The following TMED5 variants were observed in gnomAD, a reference collection of about 807,000 sequenced individuals.
The protein encoded by TMED5 is transmembrane p24 trafficking protein 5.
Under a neutral mutation model 23.0 loss-of-function variants are expected in TMED5, and 27 were observed. That is an observed-to-expected ratio of 1.17 (90% confidence interval 0.86 to 1.62). The LOEUF (loss-of-function observed/expected upper bound fraction) is 1.62, where lower values mean the gene tolerates loss of function less well. Ranked by LOEUF, TMED5 falls within the 40% of genes most tolerant of loss-of-function variation. The pLI is 0.00. For missense variants in TMED5, 248 were observed against 273.7 expected (o/e 0.91, Z 0.66); for synonymous variants, 97 against 100.8 (o/e 0.96, Z 0.23).
rs1400834080 is a variant in TMED5, at chr1:93,158,893, A to T, written c.287+1236T>A. The T allele has an allele frequency of 3.2e-6, 3 of 944,196 alleles. No individual in the cohort carries two copies. The African/African-American group carries it at 5.3e-5, about 17-fold the overall frequency. 58.5% of individuals were successfully genotyped at this position (944,196 alleles called of 1,614,324 possible). On this transcript the variant is annotated intron_variant, in intron 2 of 3. Transcript: ENST00000370282. ...TTTTTACTTCTTATACACCTATCAA[A>T]GAGAAAACAGTTAATTCCAAGTATA...
chr1:93,166,518 T>C (rs1187681960), intron 1 of TMED5, among the ~76,000 whole-genome samples: 1 of 152,248 alleles, frequency 6.6e-6, no homozygotes. Context: ...TGATCAATGA[T>C]GTTGAGCACA....
intron 1 of TMED5, chr1:93,161,968 T>G (rs1325256260): frequency 2.6e-5 from 4 of 152,184 alleles, no homozygotes; most frequent in Non-Finnish European, 5.9e-5. Flanking sequence ...TCTCAGTGTT[T>G]TCCCTGTAGA....
intron 1 of TMED5, among the ~76,000 whole-genome samples, chr1:93,173,125 G>T (rs1285438028): frequency 1.3e-5 from 2 of 152,206 alleles, no homozygotes; most frequent in East Asian, 3.9e-4. Flanking sequence ...GAAGGAATAG[G>T]TTTTGAGATC....
chr1:93,165,126 A>G (rs114798315), intron 1 of TMED5, among the ~76,000 whole-genome samples: 3,798 of 152,266 alleles, frequency 0.025, 133 homozygotes, highest in African/African-American at 0.081. Flanking sequence ...ATCCTTCCCA[A>G]TTGAGCCTAA....
intron 1 of TMED5, chr1:93,162,897 AC>A (rs1487922276): frequency 6.6e-6 from 1 of 152,144 alleles, no homozygotes; most frequent in East Asian, 1.9e-4. Context: ...ATATTTACTG[AC>A]ATGAAAGCAA....
chr1:93,158,581 T>A (rs551367025), intron 2 of TMED5, among the ~76,000 whole-genome samples: 1 of 149,620 alleles, frequency 6.7e-6, no homozygotes, highest in Admixed American at 6.7e-5. Context: ...TTTTTAGTTT[T>A]GTTTTTTTTT....
At chr1:93,171,629 T>C (rs983788597) in intron 1 of TMED5, among the ~76,000 whole-genome samples, 2 of 152,164 alleles carry the variant, frequency 1.3e-5, no homozygotes, top group African/African-American at 4.8e-5. Context: ...CTACCAAACA[T>C]TTATGGACAA....
At chr1:93,163,835 T>C (rs986645275) in intron 1 of TMED5, among the ~76,000 whole-genome samples, 20 of 151,066 alleles carry the variant, frequency 1.3e-4, no homozygotes, top group African/African-American at 4.9e-4. Flanking sequence ...ATACAAAAAT[T>C]AGCTGGACAT....
At chr1:93,157,566 A>T (rs1648116825) in intron 2 of TMED5, among the ~76,000 whole-genome samples, 1 of 152,106 alleles carries the variant, frequency 6.6e-6, no homozygotes, top group Non-Finnish European at 1.5e-5. Context: ...CTCTACAAAA[A>T]TTAAAAAATT....
intron 1 of TMED5, among the ~76,000 whole-genome samples, chr1:93,177,162 A>T (rs1165890451): frequency 6.6e-6 from 1 of 152,228 alleles, no homozygotes; most frequent in Non-Finnish European, 1.5e-5. Flanking sequence ...CAAGTTGGGA[A>T]ATACAAACAG....
intron 3 of TMED5, among the ~76,000 whole-genome samples, chr1:93,155,658 G>A (rs551425794): frequency 6.6e-6 from 1 of 151,672 alleles, no homozygotes; most frequent in East Asian, 1.9e-4. Flanking sequence ...CTATATTGGA[G>A]TGTAGTATCT....
chr1:93,150,933 CAG>C lies in TMED5; in HGVS notation c.*3735_*3736del, dbSNP rs1032946223. ...AATAATAAATCTAAGCTTGTTAAAACAGAAACAAAAACAACACAAGTACTAAA... is the reference window on the plus strand; with the variant it reads ...AATAATAAATCTAAGCTTGTTAAAACAAACAAAAACAACACAAGTACTAAA... On this transcript the variant is annotated 3_prime_UTR_variant, in exon 4 of 4. Transcript: ENST00000370282. 2 of 152,150 alleles carry C rather than the reference CAG, an allele frequency of 1.3e-5. No homozygotes were observed. Among genetic ancestry groups the C allele is most frequent in the African/African-American group, 2.4e-5 (1 of 41,440 alleles). The allele number at this position is 152,150 out of a possible 1,614,324, so 9.4% of individuals were successfully genotyped here.
intron 1 of TMED5, among the ~76,000 whole-genome samples, chr1:93,175,491 TAATA>T (rs1240529531): frequency 1.3e-5 from 2 of 150,806 alleles, no homozygotes; most frequent in African/African-American, 2.4e-5. Flanking sequence ...AAACAAAAAA[TAATA>T]AATACTCAAA....
At chr1:93,178,837 TA>T (rs1159508999) in intron 1 of TMED5, among the ~76,000 whole-genome samples, 2 of 152,216 alleles carry the variant, frequency 1.3e-5, no homozygotes, top group South Asian at 4.1e-4. Context: ...ACCTGGTATT[TA>T]AAAACAATTC....
chr1:93,155,483 G>A (rs1009507115), intron 3 of TMED5, among the ~76,000 whole-genome samples: 2 of 150,692 alleles, frequency 1.3e-5, no homozygotes, highest in South Asian at 2.1e-4. Context: ...GGAGTTTTAC[G>A]TACATTATCT....
At chr1:93,156,245 A>G (rs1571269971) in intron 3 of TMED5, 55 bp downstream of exon 3, 3 of 1,476,670 alleles carry the variant, frequency 2.0e-6, no homozygotes, top group East Asian at 2.3e-5. Flanking sequence ...ACTTATTACC[A>G]TAGTAAGGCC....
intron 1 of TMED5, among the ~76,000 whole-genome samples, chr1:93,164,615 G>A (rs10874759): frequency 0.54 from 81,331 of 151,840 alleles, 24,563 homozygotes; most frequent in South Asian, 0.68. Flanking sequence ...CACTACCCAC[G>A]TGTTCAGAGA....
chr1:93,166,656 GTTAT>G (rs1648520501), intron 1 of TMED5, among the ~76,000 whole-genome samples: 1 of 151,894 alleles, frequency 6.6e-6, no homozygotes, highest in Non-Finnish European at 1.5e-5. Context: ...ATATATTCTG[GTTAT>G]TTATCCCTTG....
chr1:93,161,150 T>C (rs1648261072), intron 1 of TMED5: 1 of 152,210 alleles, frequency 6.6e-6, no homozygotes, highest in Non-Finnish European at 1.5e-5. Flanking sequence ...ATAAATTGTC[T>C]TAAATGCTTT....
Sources: allele counts gnomAD v4.1 joint callset (sites outside exome capture counted in the v4.1 genomes callset), GRCh38; gene constraint gnomAD v4.1.1; transcripts MANE v1.5; gene names NCBI Gene and HGNC (gene_info 2026-07-23, HGNC 2026-07-21).